The following PDE4D variants were observed in gnomAD, a reference collection of about 807,000 sequenced individuals.
The protein encoded by PDE4D is 3',5'-cyclic-AMP phosphodiesterase 4D.
In PDE4D, 24 loss-of-function variants were observed where a neutral mutation model predicts 87.4. That is an observed-to-expected ratio of 0.27 (90% CI 0.20 to 0.39). PDE4D has a LOEUF of 0.39. Ranked by LOEUF, PDE4D falls within the 10% of genes least tolerant of loss-of-function variation. The pLI is 1.00. For synonymous variants in PDE4D, 384 were observed against 383.2 expected (o/e 1.00, Z -0.02); for missense variants, 714 against 1,041.0 (o/e 0.69, Z 4.32).
chr5:59,586,183 C>A (rs1024280559), intron 1 of PDE4D: 1 of 564,824 alleles, frequency 1.8e-6, no homozygotes, highest in Non-Finnish European at 3.1e-6. Context: ...CCATTACTTT[C>A]TCAGACAATA....
At chr5:59,889,299 T>G (rs940581024) in intron 1 of PDE4D, among the ~76,000 whole-genome samples, 1 of 151,176 alleles carries the variant, frequency 6.6e-6, no homozygotes, top group Admixed American at 6.6e-5. Context: ...TTTGTGTGAT[T>G]ATAGGTTTTA....
intron 1 of PDE4D, among the ~76,000 whole-genome samples, chr5:59,292,660 C>T (rs540055573): frequency 3.4e-4 from 52 of 152,156 alleles, no homozygotes; most frequent in South Asian, 1.2e-3. Flanking sequence ...TTATTGAAGT[C>T]GACATAATCT....
At chr5:60,513,430 T>C (rs191158645) in intron 1 of PDE4D, among the ~76,000 whole-genome samples, 1 of 152,224 alleles carries the variant, frequency 6.6e-6, no homozygotes, top group East Asian at 1.9e-4. Context: ...GAGGCTTAAA[T>C]TATTTAAAGC....
intron 2 of PDE4D, among the ~76,000 whole-genome samples, chr5:60,046,915 T>C (rs1769334804): frequency 6.6e-6 from 1 of 152,186 alleles, no homozygotes; most frequent in East Asian, 1.9e-4. Flanking sequence ...TCTTTTTCTA[T>C]TGATTGGAAT....
chr5:60,474,149 T>TA (rs1554041552), intron 1 of PDE4D, among the ~76,000 whole-genome samples: 3 of 94,410 alleles, frequency 3.2e-5, no homozygotes, highest in African/African-American at 6.9e-5. Flanking sequence ...TATATATATA[T>TA]AACAAAAACC....
intron 1 of PDE4D, among the ~76,000 whole-genome samples, chr5:59,524,843 A>G (rs1812799624): frequency 6.6e-6 from 1 of 152,240 alleles, no homozygotes; most frequent in African/African-American, 2.4e-5. Flanking sequence ...AGAAGGTCCA[A>G]GCCTCAAGGC....
chr5:59,925,956 C>A (rs973638491), intron 3 of PDE4D, among the ~76,000 whole-genome samples: 3 of 152,100 alleles, frequency 2.0e-5, no homozygotes, highest in Non-Finnish European at 4.4e-5. Flanking sequence ...TTGGACACAT[C>A]ATTTAGACAG....
intron 1 of PDE4D, among the ~76,000 whole-genome samples, chr5:60,483,083 G>A (rs1748855385): frequency 6.6e-6 from 1 of 152,048 alleles, no homozygotes; most frequent in Non-Finnish European, 1.5e-5. Context: ...CCATTTATTT[G>A]TCAAATATGG....
Position 59,817,742 on chromosome 5 carries a change from A to ACCC in PDE4D, c.455+75423_455+75425dup, listed in dbSNP as rs567130519. ...CACGCGCGCGCGCGCACACACCCAC[A>ACCC]CCCCCCCCCACACACACACAGAAAG... On this transcript the variant is annotated intron_variant, in intron 1 of 14. Transcript: ENST00000340635. Among the ~76,000 whole-genome samples, 250 of 122,302 alleles carry ACCC rather than the reference A, an allele frequency of 2.0e-3. 7 individuals carry two copies. The highest frequency in any genetic ancestry group is 2.6e-3 in the Non-Finnish European group (143 of 54,900). The allele number at this position is 122,302 out of a possible 152,430, so 80.2% of individuals were successfully genotyped here.
chr5:59,244,783 G>GTA (rs147057388), intron 1 of PDE4D, among the ~76,000 whole-genome samples: 5,566 of 136,678 alleles, frequency 0.041, 166 homozygotes, highest in African/African-American at 0.075. Flanking sequence ...CCATAAAAAT[G>GTA]TATATATATA....
At chr5:60,073,966 A>G (rs78675827) in intron 2 of PDE4D, among the ~76,000 whole-genome samples, 1 of 151,964 alleles carries the variant, frequency 6.6e-6, no homozygotes, top group African/African-American at 2.4e-5. Flanking sequence ...TTAATTTTTC[A>G]AAAACACAGC....
chr5:59,491,790 C>G (rs997031518), intron 1 of PDE4D, among the ~76,000 whole-genome samples: 4 of 152,112 alleles, frequency 2.6e-5, no homozygotes, highest in African/African-American at 7.2e-5. Flanking sequence ...ATAGAAATTG[C>G]TCTTTATCGC....
At chr5:60,464,046 C>A (rs1747162401) in intron 1 of PDE4D, among the ~76,000 whole-genome samples, 1 of 152,044 alleles carries the variant, frequency 6.6e-6, no homozygotes, top group African/African-American at 2.4e-5. Context: ...CCTCCCCATC[C>A]CACACACACT....
chr5:59,701,083 C>T (rs988300291), intron 1 of PDE4D, among the ~76,000 whole-genome samples: 3 of 152,172 alleles, frequency 2.0e-5, no homozygotes, highest in African/African-American at 4.8e-5. Context: ...CATGTCTTGT[C>T]ACTGAACTAC....
At chr5:60,284,404 T>A (rs775689957) in intron 1 of PDE4D, among the ~76,000 whole-genome samples, 55 of 152,174 alleles carry the variant, frequency 3.6e-4, no homozygotes, top group Admixed American at 7.2e-4. Flanking sequence ...GTTGCACTTT[T>A]TAGGAACACT....
intron 1 of PDE4D, among the ~76,000 whole-genome samples, chr5:60,377,204 G>A (rs1405692809): frequency 6.6e-6 from 1 of 152,116 alleles, no homozygotes; most frequent in Non-Finnish European, 1.5e-5. Context: ...TTCCCCATTA[G>A]ATTTCACTAT....
At chr5:60,167,173 T>G (rs917577936) in intron 2 of PDE4D, among the ~76,000 whole-genome samples, 5 of 152,114 alleles carry the variant, frequency 3.3e-5, no homozygotes, top group Admixed American at 2.6e-4. Flanking sequence ...TTGACACCAA[T>G]GACTCAAACA....
intron 1 of PDE4D, among the ~76,000 whole-genome samples, chr5:59,849,734 A>C (rs2152716544): frequency 6.6e-6 from 1 of 151,942 alleles, no homozygotes; most frequent in East Asian, 1.9e-4. Context: ...TGTTTTTAAG[A>C]GATAATTTCT....
rs1338837434 is a variant in PDE4D at position 59,199,994 on chromosome 5, A to G, written c.648-6458T>C. ...CATACATACATATATACACATGCAT[A>G]CATGCATGCAACATACATACATGCA... On this transcript the variant is annotated intron_variant, in intron 2 of 14. Transcript: ENST00000340635. 2.6e-5 allele frequency among the ~76,000 whole-genome samples: 4 copies of G among 151,088 alleles called. No homozygotes were observed. In the East Asian group the frequency reaches 7.8e-4, roughly 29 times the overall value.
Sources: allele counts gnomAD v4.1 joint callset (sites outside exome capture counted in the v4.1 genomes callset), GRCh38; gene constraint gnomAD v4.1.1; transcripts MANE v1.5; gene names NCBI Gene and HGNC (gene_info 2026-07-23, HGNC 2026-07-21).